Variants in PLXDC2 observed in about 807,000 individuals in gnomAD.
PLXDC2 encodes plexin domain containing 2, also known as plexin domain-containing protein 2.
Under a neutral mutation model 68.9 loss-of-function variants are expected in PLXDC2, and 40 were observed. That is an observed-to-expected ratio of 0.58 (90% CI 0.45 to 0.76). The LOEUF (loss-of-function observed/expected upper bound fraction) is 0.76. Among genes scored for constraint, PLXDC2 ranks in the 30% least tolerant of loss-of-function variants. The pLI is 0.00. For synonymous variants in PLXDC2, 243 were observed against 234.2 expected (o/e 1.04, Z -0.34); for missense variants, 644 against 661.9 (o/e 0.97, Z 0.30).
At chr10:19,832,108 G>T (rs1204157528) in intron 1 of PLXDC2, among the ~76,000 whole-genome samples, 1 of 152,068 alleles carries the variant, frequency 6.6e-6, no homozygotes, top group African/African-American at 2.4e-5. Context: ...GTGCTCCATA[G>T]CCAATGCTTA....
intron 1 of PLXDC2, among the ~76,000 whole-genome samples, chr10:19,895,459 A>G (rs1838041668): frequency 6.6e-6 from 1 of 152,196 alleles, no homozygotes; most frequent in Non-Finnish European, 1.5e-5. Flanking sequence ...ATTTAAATAT[A>G]TTTTATTTTA....
At chr10:20,119,297 AAG>A (rs1276124629) in intron 4 of PLXDC2, among the ~76,000 whole-genome samples, 2 of 151,988 alleles carry the variant, frequency 1.3e-5, no homozygotes, top group African/African-American at 4.8e-5. Flanking sequence ...TGAGTCCGAA[AAG>A]AGAGTCAGCG....
intron 1 of PLXDC2, among the ~76,000 whole-genome samples, chr10:19,856,052 G>T (rs1162288026): frequency 6.6e-6 from 1 of 152,160 alleles, no homozygotes; most frequent in Non-Finnish European, 1.5e-5. Flanking sequence ...CCAAGATCGT[G>T]CCACTGCACT....
intron 1 of PLXDC2, among the ~76,000 whole-genome samples, chr10:19,849,929 C>T (rs891326017): frequency 6.6e-6 from 1 of 152,182 alleles, no homozygotes; most frequent in Non-Finnish European, 1.5e-5. Flanking sequence ...AGGTCTGCTT[C>T]ACCTGTGGTG....
intron 2 of PLXDC2, among the ~76,000 whole-genome samples, chr10:20,045,249 G>A (rs1274410563): frequency 6.6e-6 from 1 of 152,028 alleles, no homozygotes; most frequent in Non-Finnish European, 1.5e-5. Context: ...TTGGCTCACT[G>A]CAACCTCTGC....
At chr10:19,943,295 A>G (rs990344559) in intron 1 of PLXDC2, among the ~76,000 whole-genome samples, 14 of 152,074 alleles carry the variant, frequency 9.2e-5, no homozygotes, top group African/African-American at 2.9e-4. Context: ...TTCAGTATAC[A>G]CATGTATCTT....
At chr10:20,196,991 A>AT (rs11454740) in intron 9 of PLXDC2, among the ~76,000 whole-genome samples, 70,679 of 151,400 alleles carry the variant, frequency 0.47, 16,630 homozygotes, top group Middle Eastern at 0.55. Flanking sequence ...GCAAAGTTGG[A>AT]TTTTTTTTTC....
chr10:20,176,390 A>ATGTGTGTGTGTG (rs66825907), intron 7 of PLXDC2, among the ~76,000 whole-genome samples: 2,149 of 149,412 alleles, frequency 0.014, 42 homozygotes, highest in African/African-American at 0.048. Flanking sequence ...TCGCACAGTT[A>ATGTGTGTGTGTG]TGTGTGTGTG....
chr10:20,016,042 T>C (rs1241849050), intron 2 of PLXDC2, among the ~76,000 whole-genome samples: 1 of 152,208 alleles, frequency 6.6e-6, no homozygotes, highest in Non-Finnish European at 1.5e-5. Context: ...AAAGGGCCTC[T>C]CTATTTAAAT....
intron 3 of PLXDC2, among the ~76,000 whole-genome samples, chr10:20,062,200 C>T (rs761095578): frequency 3.4e-4 from 51 of 152,060 alleles, no homozygotes; most frequent in Non-Finnish European, 5.4e-4. Flanking sequence ...CCGAGGTGGG[C>T]GGATCACGAG....
At chr10:19,883,004 T>G (rs1837759695) in intron 1 of PLXDC2, among the ~76,000 whole-genome samples, 1 of 150,140 alleles carries the variant, frequency 6.7e-6, no homozygotes, top group Admixed American at 6.7e-5. Flanking sequence ...TCGCCCAGGC[T>G]GGAGTGCAGT....
In PLXDC2 at chr10:19,978,968, T is replaced by TGTA. The variant is rs1448527560; in HGVS notation, c.113-22807_113-22806insGTA. 4.6e-5 allele frequency among the ~76,000 whole-genome samples: 7 copies of TGTA among 152,206 alleles called. No individual in the cohort carries two copies. In the East Asian group the frequency reaches 1.3e-3, roughly 29 times the overall value. ...CTTGACTATTATTACCTACAAGTAT[T>TGTA]TTCTTATATGTATGCATGTATATAT... is the stretch of plus-strand genomic sequence containing the variant. On this transcript the variant is annotated intron_variant, in intron 1 of 13. Coordinates refer to ENST00000377252, the MANE Select transcript of PLXDC2 (RefSeq NM_032812.9).
At chr10:20,185,176 A>C (rs1194441128) in intron 9 of PLXDC2, among the ~76,000 whole-genome samples, 1 of 151,066 alleles carries the variant, frequency 6.6e-6, no homozygotes, top group African/African-American at 2.4e-5. Context: ...AAAAAAAAAA[A>C]AAAAAAAAAA....
intron 3 of PLXDC2, among the ~76,000 whole-genome samples, chr10:20,066,846 G>T (rs1191681480): frequency 6.6e-6 from 1 of 152,062 alleles, no homozygotes; most frequent in Non-Finnish European, 1.5e-5. Flanking sequence ...TTGTGTATTG[G>T]GAGAGATATA....
chr10:20,136,700 A>G (rs73603701), intron 4 of PLXDC2, among the ~76,000 whole-genome samples: 5,070 of 152,310 alleles, frequency 0.033, 291 homozygotes, highest in African/African-American at 0.12. Context: ...GACATATACC[A>G]TTATCATTTG....
At chr10:20,085,322 G>A (rs528785676) in intron 4 of PLXDC2, among the ~76,000 whole-genome samples, 3 of 152,116 alleles carry the variant, frequency 2.0e-5, no homozygotes, top group Non-Finnish European at 4.4e-5. Flanking sequence ...CATCGCAGAC[G>A]CTGCCTCAGA....
intron 2 of PLXDC2, among the ~76,000 whole-genome samples, chr10:20,042,388 T>C (rs1342448317): frequency 1.3e-5 from 2 of 152,332 alleles, no homozygotes; most frequent in East Asian, 3.9e-4. Flanking sequence ...ATCACTCTTA[T>C]AAGGATGCAA....
intron 13 of PLXDC2, among the ~76,000 whole-genome samples, chr10:20,263,434 G>A (rs78925830): frequency 0.024 from 3,726 of 152,228 alleles, 140 homozygotes; most frequent in African/African-American, 0.083. Context: ...ATACCATCCT[G>A]ACATAGAAAC....
At chr10:19,883,299 G>A (rs1215937142) in intron 1 of PLXDC2, among the ~76,000 whole-genome samples, 5 of 152,100 alleles carry the variant, frequency 3.3e-5, no homozygotes, top group Non-Finnish European at 5.9e-5. Flanking sequence ...CAAGTTAAAA[G>A]TGCGTATTTT....
Sources: allele counts gnomAD v4.1 joint callset (sites outside exome capture counted in the v4.1 genomes callset), GRCh38; gene constraint gnomAD v4.1.1; transcripts MANE v1.5; gene names NCBI Gene and HGNC (gene_info 2026-07-23, HGNC 2026-07-21).